The following CNTNAP2 variants were observed in gnomAD, a reference collection of about 807,000 sequenced individuals.
CNTNAP2 encodes the protein contactin associated protein 2.
In CNTNAP2, 98 loss-of-function variants were observed where a neutral mutation model predicts 155.2. The observed-to-expected ratio is 0.63, with a 90% CI of 0.54 to 0.75. The LOEUF (loss-of-function observed/expected upper bound fraction) is 0.75, where lower values mean the gene tolerates loss of function less well. Among genes scored for constraint, CNTNAP2 ranks in the 30% least tolerant of loss-of-function variants. The pLI is 0.00. For synonymous variants in CNTNAP2, 651 were observed against 631.2 expected, an observed-to-expected ratio of 1.03 and a Z score of -0.47; for missense variants, 1,727 against 1,688.1, an observed-to-expected ratio of 1.02 and a Z score of -0.40.
intron 1 of CNTNAP2, among the ~76,000 whole-genome samples, chr7:146,551,094 T>C (rs1355479197): frequency 6.6e-6 from 1 of 152,086 alleles, no homozygotes; most frequent in Non-Finnish European, 1.5e-5. Context: ...GTAAGGCACA[T>C]GTGATCATAA....
chr7:146,467,932 A>G (rs1796738745), intron 1 of CNTNAP2, among the ~76,000 whole-genome samples: 1 of 152,206 alleles, frequency 6.6e-6, no homozygotes, highest in Admixed American at 6.5e-5. Flanking sequence ...TACATGGCAG[A>G]CTTGACAAGC....
At chr7:146,596,575 A>T (rs1798861569) in intron 1 of CNTNAP2, among the ~76,000 whole-genome samples, 1 of 146,020 alleles carries the variant, frequency 6.8e-6, no homozygotes, top group Non-Finnish European at 1.5e-5. Flanking sequence ...CCTCCAAGAA[A>T]GAGAGAGATA....
chr7:147,502,199 G>C (rs182040925), intron 11 of CNTNAP2, among the ~76,000 whole-genome samples: 2 of 152,218 alleles, frequency 1.3e-5, no homozygotes, highest in Admixed American at 1.3e-4. Flanking sequence ...CCAATCAGAT[G>C]TTTTATAGAA....
chr7:148,415,721 C>A lies in CNTNAP2; in HGVS notation c.*105C>A. The A allele has an allele frequency of 7.7e-7, 1 of 1,303,140 alleles. No homozygotes were observed. The highest frequency in any genetic ancestry group is 1.1e-6 in the Non-Finnish European group (1 of 916,404). 80.7% of individuals were successfully genotyped at this position (1,303,140 alleles called of 1,614,324 possible). On this transcript the variant is annotated 3_prime_UTR_variant, in exon 24 of 24. Transcript: ENST00000361727. ...ACTCTTGAGCACATCCTTAAAATATCAGCACAAGTTGGGGGAGGCAGGCAA... is the reference window on the plus strand; with the variant it reads ...ACTCTTGAGCACATCCTTAAAATATAAGCACAAGTTGGGGGAGGCAGGCAA...
intron 22 of CNTNAP2, among the ~76,000 whole-genome samples, chr7:148,386,824 AAAG>A (rs1437794248): frequency 1.3e-5 from 2 of 152,178 alleles, no homozygotes; most frequent in Non-Finnish European, 2.9e-5. Context: ...GGAGCTTGAA[AAAG>A]AAGAAACTCA....
intron 13 of CNTNAP2, among the ~76,000 whole-genome samples, chr7:147,760,878 A>C (rs1797287814): frequency 6.6e-6 from 1 of 152,222 alleles, no homozygotes; most frequent in Non-Finnish European, 1.5e-5. Flanking sequence ...GAAGAAATCA[A>C]GAAAACAAAT....
At chr7:147,979,211 TGTA>T (rs1184909637) in intron 15 of CNTNAP2, among the ~76,000 whole-genome samples, 1 of 152,194 alleles carries the variant, frequency 6.6e-6, no homozygotes, top group Non-Finnish European at 1.5e-5. Context: ...AAATGCTACC[TGTA>T]AAATTGAGAC....
intron 15 of CNTNAP2, among the ~76,000 whole-genome samples, chr7:147,992,294 T>C (rs1396985088): frequency 1.3e-5 from 2 of 151,892 alleles, no homozygotes; most frequent in Non-Finnish European, 2.9e-5. Context: ...GTATTTTTAG[T>C]ATAGGTGAAG....
intron 2 of CNTNAP2, among the ~76,000 whole-genome samples, chr7:146,780,831 T>G (rs993661189): frequency 2.6e-5 from 4 of 152,064 alleles, no homozygotes; most frequent in African/African-American, 7.2e-5. Context: ...TGAGAACACA[T>G]GGACACAGGG....
At chr7:147,189,807 C>T (rs180690130) in intron 8 of CNTNAP2, among the ~76,000 whole-genome samples, 62 of 152,186 alleles carry the variant, frequency 4.1e-4, no homozygotes, top group African/African-American at 1.3e-3. Context: ...TGCAGTGGCG[C>T]GATCTCGGCT....
chr7:146,186,367 C>T (rs1798623835), intron 1 of CNTNAP2, among the ~76,000 whole-genome samples: 1 of 152,130 alleles, frequency 6.6e-6, no homozygotes, highest in African/African-American at 2.4e-5. Context: ...ACATATCTTT[C>T]TTACTGTACA....
At chr7:146,266,840 C>T (rs1800001528) in intron 1 of CNTNAP2, among the ~76,000 whole-genome samples, 1 of 150,462 alleles carries the variant, frequency 6.6e-6, no homozygotes, top group Admixed American at 6.6e-5. Context: ...ATCCTCACTG[C>T]AACACACCCA....
chr7:147,245,755 C>G (rs1372233579), intron 8 of CNTNAP2, among the ~76,000 whole-genome samples: 27 of 65,986 alleles, frequency 4.1e-4, no homozygotes, highest in African/African-American at 1.8e-3. Flanking sequence ...GAGTAAGACT[C>G]TGTCTCAAAA....
At chr7:148,314,128 G>A (rs1797643850) in intron 21 of CNTNAP2, among the ~76,000 whole-genome samples, 1 of 152,104 alleles carries the variant, frequency 6.6e-6, no homozygotes, top group Non-Finnish European at 1.5e-5. Flanking sequence ...CTGGCAAGGA[G>A]GGGAGAGGTC....
At chr7:147,644,352 G>A (rs1365078237) in intron 13 of CNTNAP2, among the ~76,000 whole-genome samples, 1 of 152,214 alleles carries the variant, frequency 6.6e-6, no homozygotes, top group Non-Finnish European at 1.5e-5. Context: ...CGGGTGGGGT[G>A]GTTCAGGCCT....
intron 8 of CNTNAP2, among the ~76,000 whole-genome samples, chr7:147,189,399 A>C (rs1584781234): frequency 6.6e-6 from 1 of 152,326 alleles, no homozygotes; most frequent in African/African-American, 2.4e-5. Context: ...ATGTAGAATT[A>C]CATGTAGTAT....
chr7:147,539,116 A>AAT (rs1343268058), intron 11 of CNTNAP2, among the ~76,000 whole-genome samples: 17 of 152,192 alleles, frequency 1.1e-4, no homozygotes, highest in African/African-American at 3.9e-4. Flanking sequence ...ATTTCAAAAG[A>AAT]ATATATATAT....
chr7:148,184,010 G>A (rs143361351), intron 18 of CNTNAP2, among the ~76,000 whole-genome samples: 69 of 152,018 alleles, frequency 4.5e-4, no homozygotes, highest in Middle Eastern at 3.4e-3. Context: ...CAAAATACAC[G>A]TCTCCTTGCA....
At chr7:147,753,606 T>A (rs533445332) in intron 13 of CNTNAP2, among the ~76,000 whole-genome samples, 11 of 152,076 alleles carry the variant, frequency 7.2e-5, no homozygotes, top group African/African-American at 2.7e-4. Context: ...TTGGAAAAAA[T>A]TTAGATTATC....
Sources: gnomAD v4.1 joint callset for allele counts (sites outside exome capture counted in the v4.1 genomes callset) on GRCh38, gnomAD v4.1.1 for gene constraint, MANE v1.5 for transcripts, NCBI Gene and HGNC (gene_info 2026-07-23, HGNC 2026-07-21) for gene names.